Variants in BEND7 observed in about 807,000 individuals in gnomAD.
The protein encoded by BEND7 is BEN domain-containing protein 7.
Under a neutral mutation model 50.9 loss-of-function variants are expected in BEND7, and 28 were observed. That is an observed-to-expected ratio of 0.55 (90% CI 0.41 to 0.75). The LOEUF (loss-of-function observed/expected upper bound fraction) is 0.75, where lower values mean the gene tolerates loss of function less well. Ranked by LOEUF, BEND7 falls within the 30% of genes least tolerant of loss-of-function variation. BEND7 has a pLI of 0.00. For synonymous variants in BEND7, 170 were observed against 183.9 expected (o/e 0.92, Z 0.61); for missense variants, 477 against 491.3 (o/e 0.97, Z 0.28).
At chr10:13,514,958 C>G (rs547700877) in intron 2 of BEND7, among the ~76,000 whole-genome samples, 1 of 152,312 alleles carries the variant, frequency 6.6e-6, no homozygotes, top group Admixed American at 6.5e-5. Flanking sequence ...CAAGCAACTT[C>G]ATAGTCTATT....
downstream of BEND7, among the ~76,000 whole-genome samples, chr10:13,440,085 A>T (rs997034666): frequency 3.3e-5 from 5 of 152,132 alleles, no homozygotes; most frequent in African/African-American, 4.8e-5. Flanking sequence ...GCTGGAGGAT[A>T]GGAGAGGTGA....
Position 13,441,664 on chromosome 10 carries a change from A to AATCTTCTCCCTTCTCCC in BEND7, c.*78_*79insGGGAGAAGGGAGAAGAT. The AATCTTCTCCCTTCTCCC allele has an allele frequency of 1.2e-6, 2 of 1,607,800 alleles. No individual in the cohort carries two copies. Among genetic ancestry groups the AATCTTCTCCCTTCTCCC allele is most frequent in the East Asian group, 4.5e-5 (2 of 44,828 alleles). ...AATCTTCTCCCTTCCCTTGGGTAGT[A>AATCTTCTCCCTTCTCCC]GCTCCTTGTGGGAGGCAGAGGACGG... On this transcript the variant is annotated 3_prime_UTR_variant, in exon 9 of 9. Transcript: ENST00000466271.
intron 2 of BEND7, 74 bp downstream of exon 2, chr10:13,526,064 C>G (rs2079443021): frequency 1.3e-6 from 1 of 749,844 alleles, no homozygotes; most frequent in Non-Finnish European, 1.9e-6. Flanking sequence ...CGTTCCTGAA[C>G]AATTTCCTTT....
chr10:13,460,435 T>G (rs1588700117), intron 6 of BEND7, among the ~76,000 whole-genome samples: 1 of 152,312 alleles, frequency 6.6e-6, no homozygotes, highest in Middle Eastern at 3.4e-3. Flanking sequence ...AGCCTTGCTC[T>G]CTCTCTCTTT....
At chr10:13,512,919 C>T (rs71479829) in intron 2 of BEND7, among the ~76,000 whole-genome samples, 1 of 152,186 alleles carries the variant, frequency 6.6e-6, no homozygotes, top group Non-Finnish European at 1.5e-5. Context: ...CGTGGGAAAT[C>T]TCTGGGGCTA....
intron 7 of BEND7, among the ~76,000 whole-genome samples, chr10:13,451,071 T>C (rs1218963437): frequency 1.3e-5 from 2 of 152,166 alleles, no homozygotes; most frequent in East Asian, 3.9e-4. Context: ...ATGTCTAAAA[T>C]GTGCAGCATG....
chr10:13,442,875 A>G (rs1427975954), intron 8 of BEND7: 1 of 152,206 alleles, frequency 6.6e-6, no homozygotes, highest in Non-Finnish European at 1.5e-5. Flanking sequence ...GAGCTATCCT[A>G]TCTCCCAAAA....
intron 7 of BEND7, among the ~76,000 whole-genome samples, chr10:13,448,608 T>A (rs1836960024): frequency 6.6e-6 from 1 of 152,186 alleles, no homozygotes; most frequent in Non-Finnish European, 1.5e-5. Context: ...CTGGCATTAA[T>A]GAAAGACCCC....
At chr10:13,464,082 T>A (rs1239203820) in intron 6 of BEND7, among the ~76,000 whole-genome samples, 2 of 152,248 alleles carry the variant, frequency 1.3e-5, no homozygotes, top group Non-Finnish European at 1.5e-5. Context: ...GGCAGATGCA[T>A]CAATTAATCA....
rs1442148196 is a variant in BEND7, at chr10:13,517,144, A to G, written c.145+8994T>C. Among the ~76,000 whole-genome samples the G allele has an allele frequency of 2.7e-5, 4 of 149,024 alleles. 1 individual carries two copies. Among genetic ancestry groups the G allele is most frequent in the African/African-American group, 1.0e-4 (4 of 40,154 alleles). ...CAATGGTGCTATCTCAGCTCGCTGC[A>G]ACTCCCACCCACTGGGCTCAACTGA... On this transcript the variant is annotated intron_variant, in intron 2 of 8. Coordinates refer to ENST00000466271, the MANE Select transcript of BEND7 (RefSeq NM_001369863.1).
At chr10:13,523,183 C>T (rs760610395) in intron 2 of BEND7, among the ~76,000 whole-genome samples, 1 of 152,204 alleles carries the variant, frequency 6.6e-6, no homozygotes, top group Non-Finnish European at 1.5e-5. Context: ...TTTAAGAGAA[C>T]TGTTTCCTTT....
chr10:13,512,057 T>C (rs934440834), intron 2 of BEND7, among the ~76,000 whole-genome samples: 3 of 152,182 alleles, frequency 2.0e-5, no homozygotes, highest in Non-Finnish European at 4.4e-5. Context: ...AGGAAATCAC[T>C]GGACCAAACC....
chr10:13,528,046 A>G (rs866364254), intron 1 of BEND7, among the ~76,000 whole-genome samples: 6 of 152,160 alleles, frequency 3.9e-5, no homozygotes, highest in Middle Eastern at 3.2e-3. Context: ...TAAAAAGAAC[A>G]ACAACGGTCA....
chr10:13,517,065 C>CTTTT (rs5783329), intron 2 of BEND7, among the ~76,000 whole-genome samples: 6 of 126,108 alleles, frequency 4.8e-5, no homozygotes, highest in East Asian at 2.3e-4. Context: ...TTTCTGGTGG[C>CTTTT]TTTTTTTTTT....
intron 6 of BEND7, among the ~76,000 whole-genome samples, chr10:13,473,186 C>T (rs1025848642): frequency 4.6e-5 from 7 of 151,806 alleles, no homozygotes; most frequent in Admixed American, 2.0e-4. Context: ...ATATCATCAT[C>T]GCTGTTAGAC....
chr10:13,466,814 C>T (rs1432684636), intron 6 of BEND7, among the ~76,000 whole-genome samples: 3 of 151,998 alleles, frequency 2.0e-5, no homozygotes, highest in Non-Finnish European at 2.9e-5. Context: ...CTTTCTAAAG[C>T]GAGGGTTTTT....
chr10:13,464,516 C>T (rs7894679), intron 6 of BEND7, among the ~76,000 whole-genome samples: 110,485 of 151,952 alleles, frequency 0.73, 40,679 homozygotes, highest in East Asian at 0.88. Context: ...GGGAAAGATA[C>T]ACACCAACTC....
At chr10:13,527,680 C>T in intron 1 of BEND7, 1 of 227,926 alleles carries the variant, frequency 4.4e-6, no homozygotes, top group Non-Finnish European at 7.3e-6. Context: ...GATGACAATG[C>T]ATTTTGAGAT....
intron 6 of BEND7, among the ~76,000 whole-genome samples, chr10:13,478,808 T>C (rs956010172): frequency 4.6e-5 from 7 of 152,198 alleles, no homozygotes; most frequent in African/African-American, 1.7e-4. Flanking sequence ...TTATGGGATT[T>C]CCATCTGTTT....
Sources: allele counts gnomAD v4.1 joint callset (sites outside exome capture counted in the v4.1 genomes callset), GRCh38; gene constraint gnomAD v4.1.1; transcripts MANE v1.5; gene names NCBI Gene and HGNC (gene_info 2026-07-23, HGNC 2026-07-21).